The following ADAMTSL3 variants were observed in gnomAD, a reference collection of about 807,000 sequenced individuals.
ADAMTSL3 encodes ADAMTS-like protein 3.
ADAMTSL3 carries 128 observed loss-of-function variants against 201.7 expected under a neutral mutation model. That is an observed-to-expected ratio of 0.63 (90% confidence interval 0.55 to 0.73). ADAMTSL3 has a LOEUF of 0.73. Among genes scored for constraint, ADAMTSL3 ranks in the 30% least tolerant of loss-of-function variants. The probability of loss-of-function intolerance (pLI) is 0.00; values close to 1 mark genes in which losing one functional copy is unlikely to be tolerated. For synonymous variants in ADAMTSL3, 738 were observed against 748.4 expected (o/e 0.99, Z 0.23); for missense variants, 1,990 against 2,119.6 (o/e 0.94, Z 1.20).
At chr15:84,021,292 C>T (rs777762574) in intron 25 of ADAMTSL3, 118 bp from the exon 26 acceptor site, 33 of 1,047,992 alleles carry the variant, frequency 3.1e-5, no homozygotes, top group Non-Finnish European at 4.3e-5. Flanking sequence ...ATGGCTTTCT[C>T]TCCATATGCT....
At chr15:83,989,048 A>C (rs2141829917) in intron 22 of ADAMTSL3, among the ~76,000 whole-genome samples, 1 of 151,712 alleles carries the variant, frequency 6.6e-6, no homozygotes, top group South Asian at 2.1e-4. Flanking sequence ...ACGCCCGGCT[A>C]ATTTTTTGTA....
At chr15:84,005,831 A>G (rs8043256) in intron 23 of ADAMTSL3, among the ~76,000 whole-genome samples, 26,145 of 152,156 alleles carry the variant, frequency 0.17, 2,591 homozygotes, top group East Asian at 0.3. Context: ...AATCAAATTG[A>G]TTGGGGAACA....
At chr15:83,908,801 T>C (rs1319407343) in intron 15 of ADAMTSL3, among the ~76,000 whole-genome samples, 1 of 152,208 alleles carries the variant, frequency 6.6e-6, no homozygotes, top group African/African-American at 2.4e-5. Flanking sequence ...TATCCCACAG[T>C]TGAGTGGGTC....
At chr15:83,890,043 T>C in intron 10 of ADAMTSL3, 66 bp from the exon 11 acceptor site, 2 of 1,525,384 alleles carry the variant, frequency 1.3e-6, no homozygotes, top group Non-Finnish European at 1.8e-6. Context: ...GTGTGGCAAG[T>C]GATAACTCTG....
chr15:83,876,041 C>A (rs2065172156), intron 9 of ADAMTSL3, among the ~76,000 whole-genome samples: 1 of 151,764 alleles, frequency 6.6e-6, no homozygotes, highest in Non-Finnish European at 1.5e-5. Flanking sequence ...GACTTAGAAA[C>A]CATTTATGTT....
chr15:83,820,515 C>G (rs905190910), intron 6 of ADAMTSL3, among the ~76,000 whole-genome samples: 1 of 152,234 alleles, frequency 6.6e-6, no homozygotes, highest in Non-Finnish European at 1.5e-5. Context: ...GCATTTCTAA[C>G]AAGTTCTCTG....
intron 4 of ADAMTSL3, among the ~76,000 whole-genome samples, chr15:83,799,179 A>G (rs893392771): frequency 7.2e-5 from 11 of 152,242 alleles, no homozygotes; most frequent in African/African-American, 2.4e-4. Context: ...GAAGAGGAAT[A>G]TGGAGGTGAT....
At chr15:83,818,575 C>T (rs1431864090) in intron 5 of ADAMTSL3, among the ~76,000 whole-genome samples, 1 of 152,194 alleles carries the variant, frequency 6.6e-6, no homozygotes, top group African/African-American at 2.4e-5. Flanking sequence ...GATCGGCCCG[C>T]CTCAGCCACC....
rs1257363855 is a variant in ADAMTSL3, at chr15:83,763,505, T to TA, written c.190-10018_190-10017insA. Among the ~76,000 whole-genome samples the TA allele has an allele frequency of 2.7e-5, 4 of 148,510 alleles. No individual in the cohort carries two copies. In the East Asian group the frequency reaches 8.0e-4, roughly 30 times the overall value. On this transcript the variant is annotated intron_variant, in intron 3 of 29. Transcript: ENST00000286744. ...GTATATTTAAACCTTAACAAATAATTCTTTTTTTTTTTTTTTTGAGACAGA... is the reference window on the plus strand; with the variant it reads ...GTATATTTAAACCTTAACAAATAATTACTTTTTTTTTTTTTTTTGAGACAGA...
intron 4 of ADAMTSL3, among the ~76,000 whole-genome samples, chr15:83,777,085 C>T (rs891445779): frequency 7.9e-5 from 12 of 152,116 alleles, no homozygotes; most frequent in Non-Finnish European, 1.6e-4. Flanking sequence ...ACTTGTGGGG[C>T]ACACAGAAGG....
intron 3 of ADAMTSL3, among the ~76,000 whole-genome samples, chr15:83,750,194 G>T (rs1386528852): frequency 2.0e-5 from 3 of 152,190 alleles, no homozygotes; most frequent in South Asian, 2.1e-4. Flanking sequence ...TAAGGGTTTT[G>T]TTTCTTAATC....
chr15:83,951,930 A>AT (rs1349517664), intron 19 of ADAMTSL3, among the ~76,000 whole-genome samples: 1 of 151,746 alleles, frequency 6.6e-6, no homozygotes, highest in Admixed American at 6.6e-5. Flanking sequence ...AGTTTTGTCG[A>AT]TTTTATTTAT....
chr15:83,869,127 C>G (rs2065034406), intron 8 of ADAMTSL3, among the ~76,000 whole-genome samples: 1 of 152,154 alleles, frequency 6.6e-6, no homozygotes, highest in African/African-American at 2.4e-5. Context: ...TGTCTAGAAA[C>G]TTGTATTTTG....
chr15:83,913,105 C>T lies in ADAMTSL3; in HGVS notation c.1714C>T (p.Pro572Ser), dbSNP rs767227987. 5.0e-6 allele frequency: 8 copies of T among 1,613,920 alleles called. No homozygotes were observed. The South Asian group carries it at 6.6e-5, about 13-fold the overall frequency. ...GGTTTTCCCTAGGTTCATTCCAGAA[C>T]CCTGGTCAGCCTGCAGTACCACGTG... The part of the protein sequence containing the change: ...ATEEPTFIPE[P>S]WSACSTTCGP... The change falls in exon 16 of 30, where the codon CCC (proline) becomes TCC (serine). Residue 572 changes from proline to serine, a missense_variant. Transcript: ENST00000286744.
chr15:83,711,439 A>G (rs982375522), intron 3 of ADAMTSL3, among the ~76,000 whole-genome samples: 2 of 152,226 alleles, frequency 1.3e-5, no homozygotes, highest in Non-Finnish European at 2.9e-5. Flanking sequence ...TTCTCCACAT[A>G]GGAGAGTTTC....
chr15:84,002,562 A>G (rs1232048019), intron 23 of ADAMTSL3, among the ~76,000 whole-genome samples: 1 of 152,078 alleles, frequency 6.6e-6, no homozygotes, highest in African/African-American at 2.4e-5. Context: ...CTATCCTCCA[A>G]ACAACCATGC....
intron 10 of ADAMTSL3, among the ~76,000 whole-genome samples, chr15:83,886,846 G>A (rs1375530702): frequency 6.6e-6 from 1 of 152,218 alleles, no homozygotes; most frequent in African/African-American, 2.4e-5. Flanking sequence ...CAACAGGGCA[G>A]GCACTTTTTT....
In ADAMTSL3 at chr15:83,695,128, G is replaced by T. The variant is rs548057569; in HGVS notation, c.70-9261G>T. On this transcript the variant is annotated intron_variant, in intron 2 of 29. Coordinates refer to ENST00000286744, the MANE Select transcript of ADAMTSL3 (RefSeq NM_207517.3). Reference sequence around the variant, plus strand: ...TGTGCATGTGTGGTGTGTGTGTGTGGGGGTATATTTGTGGTGTAGGTATGT... The same window carrying T: ...TGTGCATGTGTGGTGTGTGTGTGTGTGGGTATATTTGTGGTGTAGGTATGT... Among the ~76,000 whole-genome samples, 804 of 130,738 alleles carry T rather than the reference G, an allele frequency of 6.1e-3. 5 individuals are homozygous for T. The highest frequency in any genetic ancestry group is 0.011 in the Non-Finnish European group (658 of 59,786). The allele number at this position is 130,738 out of a possible 152,430, so 85.8% of individuals were successfully genotyped here. A position where few individuals can be genotyped will look rare whatever the true frequency, so the allele number is the denominator to read the frequency against.
intron 16 of ADAMTSL3, among the ~76,000 whole-genome samples, chr15:83,918,392 T>C (rs767983661): frequency 6.6e-6 from 1 of 152,184 alleles, no homozygotes; most frequent in African/African-American, 2.4e-5. Flanking sequence ...CTCACACATA[T>C]ATAGAATTAC....
Sources: gnomAD v4.1 joint callset for allele counts (sites outside exome capture counted in the v4.1 genomes callset) on GRCh38, gnomAD v4.1.1 for gene constraint, MANE v1.5 for transcripts, NCBI Gene and HGNC (gene_info 2026-07-23, HGNC 2026-07-21) for gene names.